YPEL5: variants seen among roughly 807,000 people sequenced by gnomAD.
YPEL5 encodes yippee like 5.
Under a neutral mutation model 10.5 loss-of-function variants are expected in YPEL5, and 1 was observed. That is an observed-to-expected ratio of 0.10 (90% CI 0.03 to 0.45). The LOEUF (loss-of-function observed/expected upper bound fraction) is 0.45, where lower values mean the gene tolerates loss of function less well. YPEL5 is among the 20% of genes least tolerant of loss of function. The pLI, the probability that YPEL5 is intolerant of heterozygous loss-of-function variation, is 0.97. For missense variants in YPEL5, 68 were observed against 159.3 expected, an observed-to-expected ratio of 0.43 and a Z score of 3.09; for synonymous variants, 61 against 56.6, an observed-to-expected ratio of 1.08 and a Z score of -0.35.
intron 1 of YPEL5, chr2:30,155,991 G>T (rs1676020995): frequency 6.6e-6 from 1 of 152,208 alleles, no homozygotes; most frequent in Non-Finnish European, 1.5e-5. Context: ...CCTTGACTTG[G>T]ATGATCTGTG....
At chr2:30,148,918 A>G (rs1341713628) in intron 1 of YPEL5, among the ~76,000 whole-genome samples, 1 of 152,228 alleles carries the variant, frequency 6.6e-6, no homozygotes, top group African/African-American at 2.4e-5. Context: ...GTGAATAACT[A>G]TAGAGATCAG....
At position 30,153,133 on chromosome 2, in the gene YPEL5, C is replaced by T. The variant is rs868813300; in HGVS notation, c.-24-3495C>T. On this transcript the variant is annotated intron_variant, in intron 1 of 2. Transcript: ENST00000261353. Reference sequence around the variant, plus strand: ...AGCCAGGATGGTTTCGATCTCCTGACGTCGTGATCCGCCCACCTTGGCCTC... The same window carrying T: ...AGCCAGGATGGTTTCGATCTCCTGATGTCGTGATCCGCCCACCTTGGCCTC... Among the ~76,000 whole-genome samples the T allele has an allele frequency of 1.1e-4, 17 of 152,242 alleles. No homozygotes were observed. The Middle Eastern group carries it at 0.014, about 122-fold the overall frequency.
chr2:30,151,029 A>T lies in YPEL5; in HGVS notation c.-25+3967A>T, dbSNP rs77962651. On this transcript the variant is annotated intron_variant, in intron 1 of 2. Transcript: ENST00000261353. ...CAAAATTCATTCTCAGCTTGTGGGC[A>T]GTACAGAAACAGGTGGCGAGCTGAA... is the stretch of plus-strand genomic sequence containing the variant. Among the ~76,000 whole-genome samples the T allele has an allele frequency of 8.9e-3, 1,362 of 152,320 alleles. 11 individuals carry two copies. The highest frequency in any genetic ancestry group is 0.013 in the Non-Finnish European group (890 of 68,028).
chr2:30,156,260 C>T (rs75724530), intron 1 of YPEL5: 2,190 of 179,182 alleles, frequency 0.012, 56 homozygotes, highest in African/African-American at 0.049. Context: ...GTATACTTAA[C>T]ATTTATGCTA....
chr2:30,147,525 CG>C, intron 1 of YPEL5: 1 of 149,338 alleles, frequency 6.7e-6, no homozygotes, highest in Non-Finnish European at 1.5e-5. Flanking sequence ...GTCGCATAGT[CG>C]GGGGCGCGCC....
At chr2:30,157,234 G>A (rs977476084) in intron 2 of YPEL5, among the ~76,000 whole-genome samples, 1 of 151,452 alleles carries the variant, frequency 6.6e-6, no homozygotes, top group African/African-American at 2.4e-5. Context: ...GGTGAGCCGA[G>A]ATAGCGCCAC....
At chr2:30,150,079 G>T (rs1389295021) in intron 1 of YPEL5, among the ~76,000 whole-genome samples, 2 of 152,178 alleles carry the variant, frequency 1.3e-5, no homozygotes, top group Admixed American at 1.3e-4. Context: ...CCTATTTTAA[G>T]ACCCAGAACT....
At chr2:30,149,278 G>C (rs945210968) in intron 1 of YPEL5, among the ~76,000 whole-genome samples, 8 of 152,142 alleles carry the variant, frequency 5.3e-5, no homozygotes, top group Non-Finnish European at 8.8e-5. Flanking sequence ...CATTATTGAG[G>C]GGGGAGAACA....
rs1038510008 is a variant in YPEL5 at position 30,159,374 on chromosome 2, G to C, written c.*531G>C. 2 of 153,626 alleles carry C rather than the reference G, an allele frequency of 1.3e-5. No individual in the cohort carries two copies. The highest frequency in any genetic ancestry group is 4.8e-5 in the African/African-American group (2 of 41,422). The allele number at this position is 153,626 out of a possible 1,614,324, so 9.5% of individuals were successfully genotyped here. A position where few individuals can be genotyped will look rare whatever the true frequency, so the allele number is the denominator to read the frequency against. ...GCCATATTCTTGTTGGAGATGAACCGTAGCACCAGAGCCCATTCTTCCTTG... is the reference window on the plus strand; with the variant it reads ...GCCATATTCTTGTTGGAGATGAACCCTAGCACCAGAGCCCATTCTTCCTTG... On this transcript the variant is annotated 3_prime_UTR_variant, in exon 3 of 3. Transcript: ENST00000261353.
At position 30,160,482 on chromosome 2, in the gene YPEL5, C is replaced by T. The variant is rs1676229289; in HGVS notation, c.*1639C>T. On this transcript the variant is annotated 3_prime_UTR_variant, in exon 3 of 3. Coordinates refer to ENST00000261353, the MANE Select transcript of YPEL5 (RefSeq NM_016061.3). ...TGCAGATTCCTAGTAGCATGCCTTA[C>T]CTACAGCACTATGTGCATTTGCTGT... 6.6e-6 allele frequency: 1 copy of T among 152,200 alleles called. No individual in the cohort carries two copies. 9.4% of individuals were successfully genotyped at this position (152,200 alleles called of 1,614,324 possible). A position where few individuals can be genotyped will look rare whatever the true frequency, so the allele number is the denominator to read the frequency against.
Position 30,156,762 on chromosome 2 carries a change from C to T in YPEL5, c.111C>T (p.Gly37=), listed in dbSNP as rs776958707. 9.9e-6 allele frequency: 16 copies of T among 1,613,958 alleles called. No individual in the cohort carries two copies. Among genetic ancestry groups the T allele is most frequent in the East Asian group, 4.5e-5 (2 of 44,886 alleles). ...AACTCATCTCCACTCGTTTCACAGGCGCCACTGGCAGAGCATTTCTTTTTA... is the reference window on the plus strand; with the variant it reads ...AACTCATCTCCACTCGTTTCACAGGTGCCACTGGCAGAGCATTTCTTTTTA... ...RSELISTRFT[G]ATGRAFLFNK... is the part of the protein sequence containing the mutation. Residue 37 remains glycine, a synonymous_variant, in exon 2 of 3, where the codon GGC becomes GGT. Coordinates refer to ENST00000261353, the MANE Select transcript of YPEL5 (RefSeq NM_016061.3).
Position 30,149,170 on chromosome 2 carries a change from G to A in YPEL5, c.-25+2108G>A, listed in dbSNP as rs1024392419. Among the ~76,000 whole-genome samples the A allele has an allele frequency of 5.9e-5, 9 of 152,304 alleles. No individual in the cohort carries two copies. In the East Asian group the frequency reaches 1.7e-3, roughly 29 times the overall value. On this transcript the variant is annotated intron_variant, in intron 1 of 2. Transcript: ENST00000261353. ...TGTGCACTAACACACAAGGTTTCCT[G>A]AGTGAAATGACTAGTCTTATTTTCT...
At position 30,159,093 on chromosome 2, in the gene YPEL5, A is replaced by G; in HGVS notation, c.*250A>G. The G allele has an allele frequency of 2.1e-6, 1 of 481,828 alleles. No homozygotes were observed. Among genetic ancestry groups the G allele is most frequent in the Admixed American group, 3.7e-5 (1 of 26,864 alleles). The allele number at this position is 481,828 out of a possible 1,614,324, so 29.8% of individuals were successfully genotyped here. A position where few individuals can be genotyped will look rare whatever the true frequency, so the allele number is the denominator to read the frequency against. On this transcript the variant is annotated 3_prime_UTR_variant, in exon 3 of 3. Transcript: ENST00000261353. ...TTTTTTACCCTATGTTTACATCTTG[A>G]GGCAGCAGAGTCTGTCTGCAGCTAT... is the stretch of plus-strand genomic sequence containing the variant.
Position 30,158,520 on chromosome 2 carries a change from C to G in YPEL5, c.142-99C>G, listed in dbSNP as rs189281210. 454 of 1,144,932 alleles carry G rather than the reference C, an allele frequency of 4.0e-4. 1 individual carries two copies. The African/African-American group carries it at 6.5e-3, about 16-fold the overall frequency. The allele number at this position is 1,144,932 out of a possible 1,614,324, so 70.9% of individuals were successfully genotyped here. On this transcript the variant is annotated intron_variant, in intron 2 of 2. Coordinates refer to ENST00000261353, the MANE Select transcript of YPEL5 (RefSeq NM_016061.3). ...TGACTAAACTAACAAGTTCTTTCTCCTTTTCTGAAGTTGCTGTTGCATTAA... is the reference window on the plus strand; with the variant it reads ...TGACTAAACTAACAAGTTCTTTCTCGTTTTCTGAAGTTGCTGTTGCATTAA...
chr2:30,151,379 T>C (rs1259650983), intron 1 of YPEL5, among the ~76,000 whole-genome samples: 1 of 151,842 alleles, frequency 6.6e-6, no homozygotes, highest in Admixed American at 6.6e-5. Flanking sequence ...TTCACCAGAG[T>C]CTTCTGATAA....
intron 2 of YPEL5, among the ~76,000 whole-genome samples, chr2:30,158,172 A>G (rs1023195103): frequency 6.6e-6 from 1 of 152,232 alleles, no homozygotes; most frequent in African/African-American, 2.4e-5. Flanking sequence ...GTCTATATAT[A>G]CAGTATATTT....
At chr2:30,150,673 C>G (rs1675741105) in intron 1 of YPEL5, among the ~76,000 whole-genome samples, 1 of 152,176 alleles carries the variant, frequency 6.6e-6, no homozygotes, top group Admixed American at 6.5e-5. Context: ...TTTTCAAATA[C>G]TCCTATCTAG....
At chr2:30,156,862 C>A in intron 2 of YPEL5, 70 bp downstream of exon 2, 2 of 1,555,780 alleles carry the variant, frequency 1.3e-6, no homozygotes, top group Non-Finnish European at 8.8e-7. Context: ...CAGAATACCC[C>A]CTCAGAGCTT....
chr2:30,154,817 C>T (rs530031072), intron 1 of YPEL5, among the ~76,000 whole-genome samples: 3 of 152,200 alleles, frequency 2.0e-5, no homozygotes, highest in Non-Finnish European at 4.4e-5. Context: ...TGGCTCACTG[C>T]GACCTCTGCC....
Sources: gnomAD v4.1 joint callset for allele counts (sites outside exome capture counted in the v4.1 genomes callset) on GRCh38, gnomAD v4.1.1 for gene constraint, MANE v1.5 for transcripts, NCBI Gene and HGNC (gene_info 2026-07-23, HGNC 2026-07-21) for gene names.